The following USP34 variants were observed in gnomAD, a reference collection of about 807,000 sequenced individuals.
USP34 encodes the protein ubiquitin specific peptidase 34.
A neutral mutation model predicts 460.3 loss-of-function variants in USP34; 70 were observed. The observed-to-expected ratio is 0.15, with a 90% CI of 0.13 to 0.19. The LOEUF is 0.19. Ranked by LOEUF, USP34 falls within the 10% of genes least tolerant of loss-of-function variation. The pLI is 1.00. For missense variants in USP34, 3,985 were observed against 4,236.2 expected, an observed-to-expected ratio of 0.94 and a Z score of 1.65; for synonymous variants, 1,647 against 1,405.3, an observed-to-expected ratio of 1.17 and a Z score of -3.85.
chr2:61,232,389 G>C, intron 58 of USP34, 63 bp downstream of exon 58: 3 of 1,321,890 alleles, frequency 2.3e-6, no homozygotes, highest in Non-Finnish European at 3.2e-6. Context: ...AGCAAATTGA[G>C]AATAATTAAA....
At chr2:61,337,663 G>A (rs1367984686) in intron 18 of USP34, among the ~76,000 whole-genome samples, 2 of 152,008 alleles carry the variant, frequency 1.3e-5, no homozygotes, top group African/African-American at 4.8e-5. Context: ...TTACCACATT[G>A]CCCATGCTGG....
At chr2:61,345,182 G>A (rs983383034) in intron 15 of USP34, among the ~76,000 whole-genome samples, 38 of 152,014 alleles carry the variant, frequency 2.5e-4, no homozygotes, top group African/African-American at 7.7e-4. Flanking sequence ...GCTGAGGCAG[G>A]AGAACCACTT....
chr2:61,258,132 T>A (rs10178135), intron 44 of USP34, among the ~76,000 whole-genome samples: 1 of 151,890 alleles, frequency 6.6e-6, no homozygotes, highest in South Asian at 2.1e-4. Context: ...GGCGAGTTGA[T>A]TGCTTGAGCC....
At chr2:61,360,203 G>T (rs1238206831) in intron 10 of USP34, among the ~76,000 whole-genome samples, 1 of 152,096 alleles carries the variant, frequency 6.6e-6, no homozygotes, top group Non-Finnish European at 1.5e-5. Context: ...GAAATTCCAA[G>T]AGAGAAGACT....
chr2:61,210,555 C>A (rs1687245478), intron 69 of USP34, among the ~76,000 whole-genome samples: 1 of 152,078 alleles, frequency 6.6e-6, no homozygotes, highest in African/African-American at 2.4e-5. Context: ...CAGAATGTAA[C>A]CCTGTTGTTA....
intron 10 of USP34, among the ~76,000 whole-genome samples, chr2:61,360,469 T>C (rs915950953): frequency 2.0e-5 from 3 of 152,140 alleles, no homozygotes; most frequent in Non-Finnish European, 4.4e-5. Context: ...TTTTACAATA[T>C]GTAGAAATAA....
intron 53 of USP34, among the ~76,000 whole-genome samples, chr2:61,239,774 C>T (rs956575625): frequency 7.2e-5 from 11 of 151,954 alleles, no homozygotes; most frequent in East Asian, 3.9e-4. Flanking sequence ...TTTGGGAGGC[C>T]GAGATGGGCG....
In USP34 at chr2:61,348,234, C is replaced by G; in HGVS notation, c.1921G>C (p.Asp641His). 1 of 1,614,218 alleles carries G rather than the reference C, an allele frequency of 6.2e-7. No homozygotes were observed. Among genetic ancestry groups the G allele is most frequent in the Non-Finnish European group, 8.5e-7 (1 of 1,180,030 alleles). Residue 641 changes from aspartate to histidine, a missense_variant, in exon 15 of 80, where the codon GAT (aspartate) becomes CAT (histidine). Physicochemically the swap from Asp to His is moderately conservative, Grantham distance 81. Coordinates refer to ENST00000398571, the MANE Select transcript of USP34 (RefSeq NM_014709.4). Reference protein sequence around the residue: ...HNPPKSSCGTDLRNRKLESQA... With the variant: ...HNPPKSSCGTHLRNRKLESQA... ...CTCTCTAACTTTCTATTCCGAAGAT[C>G]TGTACCACAACTGCTTTTGGGAGGA...
chr2:61,188,020 CA>C lies in USP34; in HGVS notation c.*81del. 6.6e-7 allele frequency: 1 copy of C among 1,523,650 alleles called. No homozygotes were observed. The highest frequency in any genetic ancestry group is 8.8e-7 in the Non-Finnish European group (1 of 1,138,748). The allele number at this position is 1,523,650 out of a possible 1,614,324, so 94.4% of individuals were successfully genotyped here. A position where few individuals can be genotyped will look rare whatever the true frequency, so the allele number is the denominator to read the frequency against. ...AGAGAGCACTGGACAAACTGAAGCA[CA>C]AAAACAAATAAGCAAAACTTATACA... On this transcript the variant is annotated 3_prime_UTR_variant, in exon 80 of 80. Coordinates refer to ENST00000398571, the MANE Select transcript of USP34 (RefSeq NM_014709.4).
chr2:61,437,749 G>A (rs1694853394), intron 1 of USP34, among the ~76,000 whole-genome samples: 1 of 141,198 alleles, frequency 7.1e-6, no homozygotes, highest in East Asian at 2.1e-4. Flanking sequence ...CTCCAGCCTG[G>A]GCAACAGAGC....
At chr2:61,311,727 A>G (rs1258069496) in intron 26 of USP34, 40 bp from the exon 27 acceptor site, 1 of 1,609,292 alleles carries the variant, frequency 6.2e-7, no homozygotes, top group Non-Finnish European at 8.5e-7. Context: ...ATACAAAAAG[A>G]ACAGATATTT....
At chr2:61,437,954 G>C (rs2104015797) in intron 1 of USP34, among the ~76,000 whole-genome samples, 1 of 151,856 alleles carries the variant, frequency 6.6e-6, no homozygotes, top group South Asian at 2.1e-4. Context: ...TTCTTCTCAA[G>C]GTATTCCAAA....
chr2:61,330,317 C>T (rs1190325759), intron 20 of USP34, among the ~76,000 whole-genome samples: 1 of 152,036 alleles, frequency 6.6e-6, no homozygotes, highest in African/African-American at 2.4e-5. Context: ...TTTTTCTCAT[C>T]GTCATCATTA....
intron 10 of USP34, among the ~76,000 whole-genome samples, chr2:61,363,996 G>C (rs999500997): frequency 1.3e-5 from 2 of 152,166 alleles, no homozygotes; most frequent in Non-Finnish European, 2.9e-5. Flanking sequence ...TGTTAGTAAA[G>C]TAAGCCACAC....
chr2:61,197,766 A>G (rs573603265), intron 75 of USP34, among the ~76,000 whole-genome samples: 14 of 151,742 alleles, frequency 9.2e-5, no homozygotes, highest in Admixed American at 8.5e-4. Flanking sequence ...CCCGCCTTCT[A>G]TTTTGGTGGG....
chr2:61,222,774 G>A, intron 64 of USP34, 111 bp from the exon 65 acceptor site: 1 of 985,064 alleles, frequency 1.0e-6, no homozygotes, highest in Non-Finnish European at 1.5e-6. Context: ...ACAGCTCACT[G>A]CAGCCTCCAC....
In USP34 at chr2:61,327,046, A is replaced by G. The variant is rs913368800; in HGVS notation, c.2931-1589T>C. On this transcript the variant is annotated intron_variant, in intron 20 of 79. Transcript: ENST00000398571. ...GGTGACCCACCCACCTTGGCCTCCCAAAGTGCTGGGATTTCAGGCATGAGC... is the reference window on the plus strand; with the variant it reads ...GGTGACCCACCCACCTTGGCCTCCCGAAGTGCTGGGATTTCAGGCATGAGC... 7.9e-5 allele frequency among the ~76,000 whole-genome samples: 12 copies of G among 152,128 alleles called. No individual in the cohort carries two copies. In the East Asian group the frequency reaches 2.1e-3, roughly 27 times the overall value.
intron 20 of USP34, among the ~76,000 whole-genome samples, chr2:61,330,179 T>C (rs1167249774): frequency 6.6e-6 from 1 of 152,210 alleles, no homozygotes; most frequent in African/African-American, 2.4e-5. Context: ...TGTGTGACGT[T>C]GGACAAGTTG....
In USP34 at chr2:61,343,985, C is replaced by T; in HGVS notation, c.2330G>A (p.Ser777Asn). ...TGATTTTGCACTAACCTGGGAGCTA[C>T]TACAACTGACATCATCTGCACTTAG... ...DMLSADDVSC[S>N]SSQVSAKSEK... is the part of the protein sequence containing the mutation. Residue 777 changes from serine to asparagine, a missense_variant, in exon 16 of 80, where the codon AGT (serine) becomes AAT (asparagine). By Grantham distance (46) the Ser-to-Asn change is conservative. This residue lies in a region of USP34 where 716 missense variants were observed against 626.2 expected (regional missense o/e 1.14). Coordinates refer to ENST00000398571, the MANE Select transcript of USP34 (RefSeq NM_014709.4). The T allele has an allele frequency of 6.2e-7, 1 of 1,613,874 alleles. No individual in the cohort carries two copies. The highest frequency in any genetic ancestry group is 8.5e-7 in the Non-Finnish European group (1 of 1,179,894).
Sources: gnomAD v4.1 joint callset for allele counts (sites outside exome capture counted in the v4.1 genomes callset) on GRCh38, gnomAD v4.1.1 for gene constraint, gnomAD v4.1.1 regional missense constraint, MANE v1.5 for transcripts, NCBI Gene and HGNC (gene_info 2026-07-23, HGNC 2026-07-21) for gene names.